OPRD1: variants seen among roughly 807,000 people sequenced by gnomAD.
The protein encoded by OPRD1 is opioid receptor delta 1.
In OPRD1, 19 loss-of-function variants were observed where a neutral mutation model predicts 17.5. That is an observed-to-expected ratio of 1.09 (90% CI 0.76 to 1.60). The LOEUF is 1.60. Among genes scored for constraint, OPRD1 ranks in the 40% most tolerant of loss-of-function variants. OPRD1 has a pLI of 0.00. For synonymous variants in OPRD1, 256 were observed against 240.9 expected, an observed-to-expected ratio of 1.06 and a Z score of -0.58; for missense variants, 483 against 547.2, an observed-to-expected ratio of 0.88 and a Z score of 1.17.
At chr1:28,823,950 G>T (rs1293148991) in intron 1 of OPRD1, among the ~76,000 whole-genome samples, 1 of 147,950 alleles carries the variant, frequency 6.8e-6, no homozygotes, top group Non-Finnish European at 1.5e-5. Flanking sequence ...GGCTGAGGTG[G>T]GTGGATCATT....
intron 2 of OPRD1, among the ~76,000 whole-genome samples, chr1:28,862,055 GCACCTACCA>G (rs2089128578): frequency 6.6e-6 from 1 of 151,806 alleles, no homozygotes. Context: ...GGGACTATGG[GCACCTACCA>G]CCATGCCCGG....
chr1:28,860,671 C>T (rs551213588), intron 2 of OPRD1, among the ~76,000 whole-genome samples: 1 of 152,126 alleles, frequency 6.6e-6, no homozygotes, highest in Admixed American at 6.6e-5. Flanking sequence ...GAAACAGAAT[C>T]AGAGAGGTCA....
At chr1:28,818,528 G>A (rs2088688474) in intron 1 of OPRD1, among the ~76,000 whole-genome samples, 2 of 152,170 alleles carry the variant, frequency 1.3e-5, no homozygotes, top group Non-Finnish European at 2.9e-5. Context: ...TCCAGATAGA[G>A]GGAACCACAG....
chr1:28,821,685 T>C (rs2088713072), intron 1 of OPRD1, among the ~76,000 whole-genome samples: 1 of 152,164 alleles, frequency 6.6e-6, no homozygotes, highest in Admixed American at 6.5e-5. Context: ...ATGGCTACAT[T>C]GCATGAATGT....
chr1:28,817,263 T>C (rs2088678215), intron 1 of OPRD1, among the ~76,000 whole-genome samples: 1 of 152,182 alleles, frequency 6.6e-6, no homozygotes, highest in African/African-American at 2.4e-5. Flanking sequence ...TGGGTAATAG[T>C]ACTATCTCAT....
At chr1:28,848,066 G>T (rs888494515) in intron 1 of OPRD1, among the ~76,000 whole-genome samples, 2 of 152,054 alleles carry the variant, frequency 1.3e-5, no homozygotes, top group African/African-American at 4.8e-5. Flanking sequence ...GGCCAAGATG[G>T]TGAAACCCTG....
chr1:28,852,065 G>T (rs1393890126), intron 1 of OPRD1, among the ~76,000 whole-genome samples: 1 of 150,982 alleles, frequency 6.6e-6, no homozygotes, highest in East Asian at 1.9e-4. Flanking sequence ...TACTTGGGAG[G>T]CTGAGGCAGG....
chr1:28,831,796 C>T (rs767447712), intron 1 of OPRD1, among the ~76,000 whole-genome samples: 24 of 152,284 alleles, frequency 1.6e-4, no homozygotes, highest in Admixed American at 2.6e-4. Context: ...CCTTGGCCTC[C>T]CAAAGTACTG....
intron 2 of OPRD1, 67 bp downstream of exon 2, chr1:28,859,370 G>C (rs1047962931): frequency 3.5e-5 from 48 of 1,372,708 alleles, no homozygotes; most frequent in Admixed American, 8.5e-5. Flanking sequence ...GCCTTTGTGG[G>C]CTTGCAGGGC....
chr1:28,831,853 C>G (rs1291754560), intron 1 of OPRD1, among the ~76,000 whole-genome samples: 2 of 152,166 alleles, frequency 1.3e-5, no homozygotes, highest in African/African-American at 4.8e-5. Flanking sequence ...TTTTTGGATG[C>G]TGACAAGGTG....
At chr1:28,824,733 T>C (rs4654322) in intron 1 of OPRD1, among the ~76,000 whole-genome samples, 62,448 of 152,006 alleles carry the variant, frequency 0.41, 14,333 homozygotes, top group African/African-American at 0.62. Context: ...TTGCCCCCAT[T>C]GTATACATAA....
intron 1 of OPRD1, among the ~76,000 whole-genome samples, chr1:28,848,189 C>T (rs1393038407): frequency 6.6e-6 from 1 of 151,964 alleles, no homozygotes; most frequent in African/African-American, 2.4e-5. Context: ...GCGGAGGTTG[C>T]AGTGAGCCGA....
chr1:28,841,490 G>A (rs918290716), intron 1 of OPRD1, among the ~76,000 whole-genome samples: 7 of 152,150 alleles, frequency 4.6e-5, no homozygotes, highest in Non-Finnish European at 1.0e-4. Flanking sequence ...GTGTGTTTTG[G>A]GTGAGCATCT....
chr1:28,837,817 A>G (rs749126426), intron 1 of OPRD1, among the ~76,000 whole-genome samples: 1 of 148,286 alleles, frequency 6.7e-6, no homozygotes, highest in Non-Finnish European at 1.5e-5. Context: ...CATGACACCC[A>G]ACTCTCTCTT....
At chr1:28,853,915 A>G (rs1214850183) in intron 1 of OPRD1, among the ~76,000 whole-genome samples, 1 of 151,008 alleles carries the variant, frequency 6.6e-6, no homozygotes, top group Non-Finnish European at 1.5e-5. Context: ...TAATTTTTGT[A>G]TTTTTTGTAG....
chr1:28,856,766 G>A (rs1011832291), intron 1 of OPRD1, among the ~76,000 whole-genome samples: 3 of 152,240 alleles, frequency 2.0e-5, no homozygotes, highest in Admixed American at 6.5e-5. Context: ...AGGGCAGAGA[G>A]CATGGAGGGA....
At chr1:28,840,462 G>A (rs2088886837) in intron 1 of OPRD1, among the ~76,000 whole-genome samples, 1 of 152,176 alleles carries the variant, frequency 6.6e-6, no homozygotes, top group Admixed American at 6.6e-5. Flanking sequence ...GTCCACAGGA[G>A]AGAAGCTAAA....
At chr1:28,858,683 T>G (rs905477830) in intron 1 of OPRD1, among the ~76,000 whole-genome samples, 5 of 151,514 alleles carry the variant, frequency 3.3e-5, no homozygotes, top group Admixed American at 1.3e-4. Context: ...GTAGCTGGAA[T>G]TACAGGCACC....
intron 1 of OPRD1, among the ~76,000 whole-genome samples, chr1:28,846,827 T>G (rs866075098): frequency 1.3e-5 from 1 of 75,006 alleles, no homozygotes; most frequent in Non-Finnish European, 2.6e-5. Flanking sequence ...TGCATTTTCT[T>G]TCTTTCTTTC....
Sources: allele counts gnomAD v4.1 joint callset (sites outside exome capture counted in the v4.1 genomes callset), GRCh38; gene constraint gnomAD v4.1.1; transcripts MANE v1.5; gene names NCBI Gene and HGNC (gene_info 2026-07-23, HGNC 2026-07-21).